ZFAND5: variants seen among roughly 807,000 people sequenced by gnomAD.
ZFAND5 encodes zinc finger AN1-type containing 5.
A neutral mutation model predicts 23.6 loss-of-function variants in ZFAND5; 4 were observed. The observed-to-expected ratio is 0.17, with a 90% CI of 0.08 to 0.39. ZFAND5 has a LOEUF of 0.39. ZFAND5 is among the 10% of genes least tolerant of loss of function. The pLI is 1.00. For missense variants in ZFAND5, 161 were observed against 253.7 expected (o/e 0.63, Z 2.48); for synonymous variants, 68 against 80.6 (o/e 0.84, Z 0.84).
In ZFAND5 at chr9:72,360,804, A is replaced by G; in HGVS notation, c.-9-17T>C. ...ATTTTTCTGCTATAGATGAAACGAA[A>G]TTTCAGAAATTAGTGTTATCACCAA... On this transcript the variant is annotated splice_polypyrimidine_tract_variant and intron_variant, in intron 2 of 6. Coordinates refer to ENST00000376962, the MANE Select transcript of ZFAND5 (RefSeq NM_001102420.3). 6.4e-7 allele frequency: 1 copy of G among 1,569,228 alleles called. No homozygotes were observed.
rs1842070657 is a variant in ZFAND5 at position 72,360,628 on chromosome 9, C to T, written c.151G>A (p.Gly51Arg). Residue 51 changes from glycine (G) to arginine (R), a missense_variant and splice_region_variant, in exon 3 of 7, where the codon GGA becomes AGA. Coordinates refer to ENST00000376962, the MANE Select transcript of ZFAND5 (RefSeq NM_001102420.3). ...QQNSGRMSPM[G>R]TASGSNSPTS... ...GTGTTTTTCCTTGGAAATAACTTAC[C>T]CATTGGGCTCATTCTGCCACTATTT... The T allele has an allele frequency of 1.2e-6, 2 of 1,613,738 alleles. No individual in the cohort carries two copies. The highest frequency in any genetic ancestry group is 1.7e-6 in the Non-Finnish European group (2 of 1,179,838).
At chr9:72,364,582 A>G in intron 1 of ZFAND5, 114 bp downstream of exon 1, 1 of 1,249,232 alleles carries the variant, frequency 8.0e-7, no homozygotes, top group Non-Finnish European at 1.0e-6. Context: ...GGACGCCGCC[A>G]TCCGCGGCCT....
chr9:72,361,962 G>T (rs1039101781), intron 2 of ZFAND5, among the ~76,000 whole-genome samples: 4 of 152,134 alleles, frequency 2.6e-5, no homozygotes, highest in African/African-American at 9.7e-5. Context: ...ATTAAAAAAC[G>T]ATGTTTTAAC....
chr9:72,360,874 G>T (rs780725969), intron 2 of ZFAND5, 87 bp from the exon 3 acceptor site: 21 of 1,242,770 alleles, frequency 1.7e-5, no homozygotes, highest in Non-Finnish European at 2.0e-5. Flanking sequence ...TAATTGCTAC[G>T]CAAGTTTTAA....
At chr9:72,360,839 T>C (rs1259117837) in intron 2 of ZFAND5, 52 bp from the exon 3 acceptor site, 1 of 1,514,566 alleles carries the variant, frequency 6.6e-7, no homozygotes. Context: ...AAATATAGTC[T>C]AATATAATCA....
chr9:72,355,191 C>G lies in ZFAND5; in HGVS notation c.*762G>C, dbSNP rs1047892920. 6.6e-6 allele frequency: 1 copy of G among 152,604 alleles called. No homozygotes were observed. Among genetic ancestry groups the G allele is most frequent in the Non-Finnish European group, 1.5e-5 (1 of 68,022 alleles). The allele number at this position is 152,604 out of a possible 1,614,324, so 9.5% of individuals were successfully genotyped here. ...ACCAAACGTAGAGTTTAAATTTCTT[C>G]TTGTAAACAAATTAATCCTAGTGCA... On this transcript the variant is annotated 3_prime_UTR_variant, in exon 7 of 7. Coordinates refer to ENST00000376962, the MANE Select transcript of ZFAND5 (RefSeq NM_001102420.3).
chr9:72,360,315 T>G (rs962313985), intron 3 of ZFAND5, 94 bp from the exon 4 acceptor site: 2 of 1,104,524 alleles, frequency 1.8e-6, no homozygotes, highest in Non-Finnish European at 2.7e-6. Context: ...TTTAATTAGG[T>G]TAGTGATATA....
At chr9:72,357,161 T>TTTA (rs1419256883) in intron 5 of ZFAND5, 105 bp from the exon 6 acceptor site, 1 of 1,325,692 alleles carries the variant, frequency 7.5e-7, no homozygotes, top group Non-Finnish European at 1.0e-6. Flanking sequence ...GATAAAAATG[T>TTTA]TTATAAGTAT....
intron 3 of ZFAND5, 86 bp downstream of exon 3, chr9:72,360,542 C>T: frequency 6.4e-7 from 1 of 1,573,488 alleles, no homozygotes; most frequent in Non-Finnish European, 8.7e-7. Context: ...TCTCCATGTG[C>T]TTTCAGCATT....
chr9:72,363,633 T>C (rs1842165166), intron 1 of ZFAND5, 27 bp from the exon 2 acceptor site: 1 of 983,734 alleles, frequency 1.0e-6, no homozygotes, highest in Non-Finnish European at 1.2e-6. Flanking sequence ...AGGAGACAAC[T>C]ACAAAGAATC....
At chr9:72,356,872 C>G (rs1198793729) in intron 6 of ZFAND5, 59 bp downstream of exon 6, 1 of 1,594,562 alleles carries the variant, frequency 6.3e-7, no homozygotes, top group Non-Finnish European at 8.5e-7. Context: ...TAGGGAGTGA[C>G]CAAAAGCTCC....
At chr9:72,357,971 A>G (rs1841992072) in intron 5 of ZFAND5, among the ~76,000 whole-genome samples, 1 of 152,176 alleles carries the variant, frequency 6.6e-6, no homozygotes, top group South Asian at 2.1e-4. Flanking sequence ...ATATAATTCA[A>G]CTACACCTGA....
intron 5 of ZFAND5, among the ~76,000 whole-genome samples, 157 bp downstream of exon 5, chr9:72,359,261 C>CTCT (rs61606127): frequency 0.98 from 149,738 of 152,172 alleles, 73,714 homozygotes; most frequent in Middle Eastern, 1. Flanking sequence ...GATACTCATA[C>CTCT]TCAAGATACT....
intron 2 of ZFAND5, 84 bp from the exon 3 acceptor site, chr9:72,360,871 T>C: frequency 7.9e-7 from 1 of 1,263,152 alleles, no homozygotes; most frequent in Non-Finnish European, 1.1e-6. Context: ...TTGTAATTGC[T>C]ACGCAAGTTT....
intron 6 of ZFAND5, among the ~76,000 whole-genome samples, chr9:72,356,668 T>C (rs931186911): frequency 2.0e-5 from 3 of 152,180 alleles, no homozygotes; most frequent in Non-Finnish European, 4.4e-5. Context: ...CAGTAACATT[T>C]TCCCTAGGTA....
chr9:72,354,628 A>G lies in ZFAND5; in HGVS notation c.*1325T>C, dbSNP rs1841882347. On this transcript the variant is annotated 3_prime_UTR_variant, in exon 7 of 7. Transcript: ENST00000376962. ...CAAAACTGAATGCTTTAAGAATAAA[A>G]GTAAAAACTAGGACTGAACATTGCA... 1 of 152,650 alleles carries G rather than the reference A, an allele frequency of 6.6e-6. No homozygotes were observed. The highest frequency in any genetic ancestry group is 6.5e-5 in the Admixed American group (1 of 15,284). 9.5% of individuals were successfully genotyped at this position (152,650 alleles called of 1,614,324 possible). A position where few individuals can be genotyped will look rare whatever the true frequency, so the allele number is the denominator to read the frequency against.
Position 72,355,853 on chromosome 9 carries a change from G to A in ZFAND5, c.*100C>T. On this transcript the variant is annotated 3_prime_UTR_variant, in exon 7 of 7. Coordinates refer to ENST00000376962, the MANE Select transcript of ZFAND5 (RefSeq NM_001102420.3). ...ACAGACAAGTGTAATGTAAAACTCT[G>A]GAGAACATCAAAGAAAAATGGCCAT... is the stretch of plus-strand genomic sequence containing the variant. 9.0e-7 allele frequency: 1 copy of A among 1,108,584 alleles called. No homozygotes were observed. The highest frequency in any genetic ancestry group is 1.3e-6 in the Non-Finnish European group (1 of 783,786). 68.7% of individuals were successfully genotyped at this position (1,108,584 alleles called of 1,614,324 possible).
chr9:72,353,465 C>A lies in ZFAND5; in HGVS notation c.*2488G>T, dbSNP rs1006100371. ...CCGAGGCGGGCAGCTCACCTGAGGT[C>A]AGGAGTTCAAGACCAGCCTGACCAA... On this transcript the variant is annotated 3_prime_UTR_variant, in exon 7 of 7. Coordinates refer to ENST00000376962, the MANE Select transcript of ZFAND5 (RefSeq NM_001102420.3). 1 of 152,262 alleles carries A rather than the reference C, an allele frequency of 6.6e-6. No homozygotes were observed. Among genetic ancestry groups the A allele is most frequent in the African/African-American group, 2.4e-5 (1 of 41,454 alleles). 9.4% of individuals were successfully genotyped at this position (152,262 alleles called of 1,614,324 possible).
rs2131974483 is a variant in ZFAND5, at chr9:72,356,950, T to C, written c.474A>G (p.Arg158=). 6.2e-7 allele frequency: 1 copy of C among 1,612,720 alleles called. No individual in the cohort carries two copies. Among genetic ancestry groups the C allele is most frequent in the East Asian group, 2.2e-5 (1 of 44,848 alleles). ...TAATACCTGTAAGACCAACTTTCTTTCTGCACATGAAACATCTGTTTTTCT... is the reference window on the plus strand; with the variant it reads ...TAATACCTGTAAGACCAACTTTCTTCCTGCACATGAAACATCTGTTTTTCT... ...KPKKNRCFMC[R]KKVGLTGFDC... is the part of the protein sequence containing the mutation. Residue 158 remains arginine, a synonymous_variant, in exon 6 of 7, where the codon AGA becomes AGG. Transcript: ENST00000376962.
Sources: gnomAD v4.1 joint callset for allele counts (sites outside exome capture counted in the v4.1 genomes callset) on GRCh38, gnomAD v4.1.1 for gene constraint, MANE v1.5 for transcripts, NCBI Gene and HGNC (gene_info 2026-07-23, HGNC 2026-07-21) for gene names.